STK4: variants seen among roughly 807,000 people sequenced by gnomAD.
STK4 encodes serine/threonine kinase 4.
STK4 carries 30 observed loss-of-function variants against 64.9 expected under a neutral mutation model. The ratio of observed to expected loss-of-function variants is 0.46; its 90% CI spans 0.35 to 0.63. The LOEUF (loss-of-function observed/expected upper bound fraction) is 0.63, where lower values mean the gene tolerates loss of function less well. Among genes scored for constraint, STK4 ranks in the 20% least tolerant of loss-of-function variants. The pLI is 0.01. For missense variants in STK4, 466 were observed against 598.5 expected (o/e 0.78, Z 2.31); for synonymous variants, 177 against 199.0 (o/e 0.89, Z 0.93).
rs535996982 is a variant in STK4, at chr20:44,999,245, A to G, written c.832-1147A>G. ...TCTTACAGATTTTCTAAGTGGAAAG[A>G]ACAAGGCAATATGATATTATTGCAA... On this transcript the variant is annotated intron_variant, in intron 7 of 10. Transcript: ENST00000372806. 1.5e-3 allele frequency among the ~76,000 whole-genome samples: 235 copies of G among 152,310 alleles called. 1 individual carries two copies. The highest frequency in any genetic ancestry group is 2.4e-3 in the Admixed American group (36 of 15,296).
At chr20:44,991,950 C>T (rs2067643104) in intron 5 of STK4, among the ~76,000 whole-genome samples, 1 of 152,012 alleles carries the variant, frequency 6.6e-6, no homozygotes, top group Non-Finnish European at 1.5e-5. Context: ...AGGTTTGAGC[C>T]ATTGTGCCTG....
At chr20:45,007,222 C>A (rs1204304394) in intron 9 of STK4, among the ~76,000 whole-genome samples, 1 of 152,170 alleles carries the variant, frequency 6.6e-6, no homozygotes. Flanking sequence ...TGTTCATGGT[C>A]ACATGGCTAG....
At chr20:45,021,857 T>C (rs867441500) in intron 9 of STK4, among the ~76,000 whole-genome samples, 1 of 152,246 alleles carries the variant, frequency 6.6e-6, no homozygotes, top group African/African-American at 2.4e-5. Flanking sequence ...TGAATAGTTA[T>C]TAATAACTGA....
At chr20:44,985,034 ATTAAC>A (rs2067508518) in intron 4 of STK4, among the ~76,000 whole-genome samples, 1 of 152,186 alleles carries the variant, frequency 6.6e-6, no homozygotes. Context: ...ACTTCAACTG[ATTAAC>A]TTAACTGGTT....
chr20:44,979,939 C>A lies in STK4; in HGVS notation c.245+1368C>A, dbSNP rs191058193. Among the ~76,000 whole-genome samples the A allele has an allele frequency of 4.8e-3, 724 of 152,220 alleles. 2 individuals carry two copies. Among genetic ancestry groups the A allele is most frequent in the Middle Eastern group, 0.024 (7 of 294 alleles). ...TTGGGACTTTGTCACTTTCGATAGACTGTGCGGGAGCTGTGTTCCAAACAG... is the reference window on the plus strand; with the variant it reads ...TTGGGACTTTGTCACTTTCGATAGAATGTGCGGGAGCTGTGTTCCAAACAG... On this transcript the variant is annotated intron_variant, in intron 3 of 10. Coordinates refer to ENST00000372806, the MANE Select transcript of STK4 (RefSeq NM_006282.5).
intron 9 of STK4, among the ~76,000 whole-genome samples, chr20:45,011,728 TA>T (rs1294594564): frequency 2.9e-4 from 31 of 106,760 alleles, no homozygotes; most frequent in East Asian, 8.9e-4. Flanking sequence ...TATATATATA[TA>T]TTTTTTTTTT....
At chr20:45,032,160 C>T (rs1307397511) in intron 10 of STK4, among the ~76,000 whole-genome samples, 1 of 151,968 alleles carries the variant, frequency 6.6e-6, no homozygotes, top group Non-Finnish European at 1.5e-5. Context: ...TTCAGTTAGA[C>T]AAAAAACTAA....
At chr20:44,994,897 C>T (rs1416096723) in intron 5 of STK4, among the ~76,000 whole-genome samples, 193 bp from the exon 6 acceptor site, 1 of 151,232 alleles carries the variant, frequency 6.6e-6, no homozygotes. Flanking sequence ...TGAATTTCTT[C>T]TATGCCTGCT....
chr20:44,987,314 T>G lies in STK4; in HGVS notation c.525+18T>G. The stretch of plus-strand genomic sequence containing the variant: ...AACTTACAGTAAGTAAAAATATTAC[T>G]TGTATTGATAATTTTCATTTCTGTC... On this transcript the variant is annotated intron_variant, in intron 5 of 10. Coordinates refer to ENST00000372806, the MANE Select transcript of STK4 (RefSeq NM_006282.5). The G allele has an allele frequency of 6.3e-7, 1 of 1,593,758 alleles. No homozygotes were observed. Among genetic ancestry groups the G allele is most frequent in the Non-Finnish European group, 8.5e-7 (1 of 1,173,942 alleles).
At chr20:45,042,667 G>A (rs1048464446) in intron 10 of STK4, among the ~76,000 whole-genome samples, 2 of 152,080 alleles carry the variant, frequency 1.3e-5, no homozygotes, top group African/African-American at 4.8e-5. Context: ...TCATTTCTCT[G>A]TTGGAGTTTG....
rs1401493847 is a variant in STK4 at position 45,079,641 on chromosome 20, A to T, written c.*4465A>T. ...TGCACTCGGACCAACTTGGAAAAAA[A>T]AAAGCTTAAATGTTTTTGCTATGTA... On this transcript the variant is annotated 3_prime_UTR_variant, in exon 11 of 11. Transcript: ENST00000372806. 6.6e-6 allele frequency: 1 copy of T among 152,664 alleles called. No homozygotes were observed. Among genetic ancestry groups the T allele is most frequent in the Admixed American group, 6.5e-5 (1 of 15,284 alleles). The allele number at this position is 152,664 out of a possible 1,614,324, so 9.5% of individuals were successfully genotyped here. A position where few individuals can be genotyped will look rare whatever the true frequency, so the allele number is the denominator to read the frequency against.
chr20:45,043,951 T>C (rs541576485), intron 10 of STK4, among the ~76,000 whole-genome samples: 74 of 152,242 alleles, frequency 4.9e-4, no homozygotes, highest in African/African-American at 1.8e-3. Context: ...TGTTATAAAA[T>C]CAGAGATACA....
intron 4 of STK4, among the ~76,000 whole-genome samples, chr20:44,982,711 C>T (rs1389536027): frequency 6.6e-6 from 1 of 152,104 alleles, no homozygotes; most frequent in African/African-American, 2.4e-5. Flanking sequence ...AGTTCTGGTT[C>T]AGTTACTTAA....
chr20:44,994,853 T>C (rs1343314609), intron 5 of STK4, among the ~76,000 whole-genome samples: 1 of 152,172 alleles, frequency 6.6e-6, no homozygotes, highest in Non-Finnish European at 1.5e-5. Flanking sequence ...GTTTTAATAA[T>C]TGATTGAGAA....
At chr20:45,057,742 G>A (rs917199769) in intron 10 of STK4, among the ~76,000 whole-genome samples, 59 of 152,184 alleles carry the variant, frequency 3.9e-4, no homozygotes, top group Non-Finnish European at 5.9e-4. Context: ...GAGCCTAGAT[G>A]AGCTTACTGC....
intron 5 of STK4, among the ~76,000 whole-genome samples, chr20:44,993,360 G>A (rs2067670531): frequency 3.3e-5 from 5 of 151,944 alleles, no homozygotes; most frequent in Admixed American, 2.0e-4. Context: ...AATCTAAGTG[G>A]GGTTAGTGTA....
Position 45,001,286 on chromosome 20 carries a change from G to A in STK4, c.1080G>A (p.Thr360=), listed in dbSNP as rs753488329. 1.9e-5 allele frequency: 30 copies of A among 1,614,006 alleles called. No individual in the cohort carries two copies. The highest frequency in any genetic ancestry group is 1.6e-4 in the Middle Eastern group (1 of 6,084). The change falls in exon 9 of 11, where the codon ACG becomes ACA. Residue 360 remains threonine, a synonymous_variant. Transcript: ENST00000372806. ...GANTMIEHDD[T]LPSQLGTMVI... ...ATACTATGATTGAGCACGATGACAC[G>A]TTGCCATCACAACTGGGCACCATGG...
rs146085540 is a variant in STK4 at position 45,001,201 on chromosome 20, G to A, written c.995G>A (p.Arg332Gln). Reference sequence around the variant, plus strand: ...GAAATGGATTCTGGCACGATGGTTCGAGCAGTGGGTGATGAGATGGGCACT... The same window carrying A: ...GAAATGGATTCTGGCACGATGGTTCAAGCAGTGGGTGATGAGATGGGCACT... ...EDEMDSGTMV[R>Q]AVGDEMGTVR... The change falls in exon 9 of 11, where the codon CGA becomes CAA. Residue 332 changes from arginine (R) to glutamine (Q), a missense_variant. Physicochemically the swap from Arg to Gln is conservative, Grantham distance 43. This residue lies in a region of STK4 where 276 missense variants were observed against 308.9 expected (regional missense o/e 0.89). Coordinates refer to ENST00000372806, the MANE Select transcript of STK4 (RefSeq NM_006282.5). 3.9e-4 allele frequency: 634 copies of A among 1,613,544 alleles called. No individual in the cohort carries two copies. Among genetic ancestry groups the A allele is most frequent in the Non-Finnish European group, 5.0e-4 (584 of 1,179,702 alleles).
chr20:45,012,589 A>G (rs944866483), intron 9 of STK4, among the ~76,000 whole-genome samples: 1 of 152,106 alleles, frequency 6.6e-6, no homozygotes, highest in Admixed American at 6.6e-5. Flanking sequence ...ATTTGTTGCT[A>G]TTACAAATGG....
Sources: allele counts gnomAD v4.1 joint callset (sites outside exome capture counted in the v4.1 genomes callset), GRCh38; gene constraint gnomAD v4.1.1; regional missense constraint gnomAD v4.1.1; transcripts MANE v1.5; gene names NCBI Gene and HGNC (gene_info 2026-07-23, HGNC 2026-07-21).